Variants in CEP170 observed in about 807,000 individuals in gnomAD.
The protein encoded by CEP170 is centrosomal protein 170, also known as centrosomal protein of 170 kDa.
A neutral mutation model predicts 151.9 loss-of-function variants in CEP170; 21 were observed. The ratio of observed to expected loss-of-function variants is 0.14; its 90% CI spans 0.10 to 0.20. The LOEUF (loss-of-function observed/expected upper bound fraction) is 0.20. Among genes scored for constraint, CEP170 ranks in the 10% least tolerant of loss-of-function variants. The pLI is 1.00. For missense variants in CEP170, 964 were observed against 1,892.9 expected (o/e 0.51, Z 9.11); for synonymous variants, 356 against 648.8 (o/e 0.55, Z 6.86).
intron 7 of CEP170, among the ~76,000 whole-genome samples, chr1:243,192,383 T>C (rs557460893): frequency 1.3e-5 from 2 of 152,232 alleles, no homozygotes; most frequent in African/African-American, 2.4e-5. Context: ...TAGAAACAGA[T>C]GCATTTATGA....
intron 1 of CEP170, among the ~76,000 whole-genome samples, chr1:243,237,774 G>A (rs557569284): frequency 1.4e-4 from 22 of 152,010 alleles, no homozygotes; most frequent in South Asian, 8.3e-4. Flanking sequence ...GCCTTGTGGC[G>A]GGTGCCTGTA....
At chr1:243,195,647 C>G (rs566939427) in intron 7 of CEP170, among the ~76,000 whole-genome samples, 59 of 152,008 alleles carry the variant, frequency 3.9e-4, no homozygotes, top group African/African-American at 1.4e-3. Flanking sequence ...AATTATTAAA[C>G]TAATCACGTA....
chr1:243,212,399 G>A lies in CEP170; in HGVS notation c.196-435C>T, dbSNP rs189375282. Among the ~76,000 whole-genome samples the A allele has an allele frequency of 6.0e-3, 920 of 152,228 alleles. 4 individuals are homozygous for A. Among genetic ancestry groups the A allele is most frequent in the Non-Finnish European group, 9.7e-3 (658 of 68,002 alleles). ...TTTTTGGAATTATTATAAAGAAGAA[G>A]AAGAAAATTTACTTTAAGAAAATAG... On this transcript the variant is annotated intron_variant, in intron 3 of 19. Transcript: ENST00000366542.
At chr1:243,236,613 A>G (rs777536770) in intron 1 of CEP170, among the ~76,000 whole-genome samples, 1 of 152,232 alleles carries the variant, frequency 6.6e-6, no homozygotes, top group Non-Finnish European at 1.5e-5. Flanking sequence ...AACGAGGGAA[A>G]TTTAGTAAAC....
intron 8 of CEP170, among the ~76,000 whole-genome samples, chr1:243,189,580 G>GTAA (rs2060176692): frequency 6.6e-6 from 1 of 150,668 alleles, no homozygotes; most frequent in Non-Finnish European, 1.5e-5. Context: ...AAAAATAGTA[G>GTAA]TAATAATAAT....
intron 17 of CEP170, among the ~76,000 whole-genome samples, chr1:243,135,074 C>T (rs1558375006): frequency 6.6e-6 from 1 of 152,090 alleles, no homozygotes. Context: ...AAAAGCTACA[C>T]ATTTTAAAAT....
intron 1 of CEP170, among the ~76,000 whole-genome samples, chr1:243,246,749 T>C (rs2065442912): frequency 6.6e-6 from 1 of 152,108 alleles, no homozygotes; most frequent in Admixed American, 6.5e-5. Flanking sequence ...GAAAATCTTG[T>C]TTTCTAAATT....
intron 19 of CEP170, among the ~76,000 whole-genome samples, chr1:243,127,640 T>C (rs1481073394): frequency 3.3e-5 from 5 of 150,996 alleles, no homozygotes; most frequent in Non-Finnish European, 5.9e-5. Context: ...GATTATTCGA[T>C]AGATAAAGAC....
At position 243,146,357 on chromosome 1, in the gene CEP170, G is replaced by A. The variant is rs184043646; in HGVS notation, c.3912-3894C>T. The stretch of plus-strand genomic sequence containing the variant: ...CGCGAAGAACGCAGAAGAGATTAGC[G>A]ACCCCTCTCCTTCCCAATTCCTTCT... On this transcript the variant is annotated intron_variant, in intron 14 of 19. Coordinates refer to ENST00000366542, the MANE Select transcript of CEP170 (RefSeq NM_014812.3). Among the ~76,000 whole-genome samples, 53 of 152,200 alleles carry A rather than the reference G, an allele frequency of 3.5e-4. No homozygotes were observed. The East Asian group carries it at 7.7e-3, about 22-fold the overall frequency.
chr1:243,140,339 T>C, intron 15 of CEP170: 1 of 486,396 alleles, frequency 2.1e-6, no homozygotes, highest in South Asian at 6.6e-5. Flanking sequence ...CCAAAATATA[T>C]AACTATGTTA....
chr1:243,214,110 A>G (rs1043235967), intron 3 of CEP170, among the ~76,000 whole-genome samples: 6 of 152,180 alleles, frequency 3.9e-5, no homozygotes, highest in African/African-American at 1.4e-4. Context: ...GTAAGTGGAC[A>G]TATTCTCAAC....
chr1:243,228,006 T>C (rs2063443635), intron 1 of CEP170, among the ~76,000 whole-genome samples: 1 of 152,168 alleles, frequency 6.6e-6, no homozygotes, highest in Admixed American at 6.5e-5. Flanking sequence ...TTCAGTAAAA[T>C]AAGAATAATG....
At chr1:243,190,159 T>C (rs1248423254) in intron 8 of CEP170, among the ~76,000 whole-genome samples, 1 of 152,192 alleles carries the variant, frequency 6.6e-6, no homozygotes, top group East Asian at 1.9e-4. Flanking sequence ...CTAGATGAAG[T>C]GTTAGGAGTA....
In CEP170 at chr1:243,191,040, T is replaced by G; in HGVS notation, c.1086A>C (p.Pro362=). ...EDSKSIKSDV[P]VYLKRLKGNK... The stretch of plus-strand genomic sequence containing the variant: ...TACCTTTCAACCTTTTCAAGTACAC[T>G]GGAACATCACTTTTAATGCTTTTAG... Residue 362 remains proline, a synonymous_variant, in exon 8 of 20, where the codon CCA becomes CCC. Transcript: ENST00000366542. The G allele has an allele frequency of 6.3e-7, 1 of 1,597,322 alleles. No individual in the cohort carries two copies. The highest frequency in any genetic ancestry group is 1.1e-5 in the South Asian group (1 of 88,598).
At chr1:243,143,526 T>C (rs1558401333) in intron 14 of CEP170, among the ~76,000 whole-genome samples, 1 of 152,144 alleles carries the variant, frequency 6.6e-6, no homozygotes, top group African/African-American at 2.4e-5. Flanking sequence ...GGGACAAACT[T>C]ACAAAACCTA....
chr1:243,249,418 A>AAAATAAATAAAT (rs74729358), intron 1 of CEP170, among the ~76,000 whole-genome samples: 13 of 148,420 alleles, frequency 8.8e-5, no homozygotes, highest in South Asian at 6.4e-4. Context: ...ACTCTGTCTC[A>AAAATAAATAAAT]AAATAAATAA....
chr1:243,142,507 A>G (rs752025872), intron 14 of CEP170, 44 bp from the exon 15 acceptor site: 4 of 1,554,364 alleles, frequency 2.6e-6, no homozygotes, highest in Non-Finnish European at 3.5e-6. Context: ...TTTTAAATAA[A>G]CAGCTCTAAA....
At chr1:243,231,153 GCATCATCATCATCATCAT>G (rs74162260) in intron 1 of CEP170, among the ~76,000 whole-genome samples, 1 of 142,118 alleles carries the variant, frequency 7.0e-6, no homozygotes, top group South Asian at 2.2e-4. Context: ...TATCTTTCAA[GCATCATCATCATCATCAT>G]CATCATCATC....
chr1:243,245,614 T>C (rs1461796539), intron 1 of CEP170, among the ~76,000 whole-genome samples: 1 of 152,002 alleles, frequency 6.6e-6, no homozygotes, highest in East Asian at 1.9e-4. Context: ...CTCAGGAGGC[T>C]GAAGCAGAAG....
Sources: allele counts gnomAD v4.1 joint callset (sites outside exome capture counted in the v4.1 genomes callset), GRCh38; gene constraint gnomAD v4.1.1; transcripts MANE v1.5; gene names NCBI Gene and HGNC (gene_info 2026-07-23, HGNC 2026-07-21).